ZGRF1: variants seen among roughly 807,000 people sequenced by gnomAD.
ZGRF1 encodes 5'-3' DNA helicase ZGRF1.
ZGRF1 carries 196 observed loss-of-function variants against 203.5 expected under a neutral mutation model. The ratio of observed to expected loss-of-function variants is 0.96; its 90% CI spans 0.86 to 1.08. The LOEUF (loss-of-function observed/expected upper bound fraction) is 1.08, where lower values mean the gene tolerates loss of function less well. Among genes scored for constraint, ZGRF1 ranks in the 50% least tolerant of loss-of-function variants. The pLI, the probability that ZGRF1 is intolerant of heterozygous loss-of-function variation, is 0.00. For missense variants in ZGRF1, 2,326 were observed against 2,416.3 expected (o/e 0.96, Z 0.78); for synonymous variants, 809 against 841.3 (o/e 0.96, Z 0.66).
intron 16 of ZGRF1, among the ~76,000 whole-genome samples, chr4:112,571,169 G>C (rs1375968056): frequency 6.7e-6 from 1 of 149,770 alleles, no homozygotes; most frequent in Non-Finnish European, 1.5e-5. Context: ...TTAGAGAAGA[G>C]AAAAGCCTCA....
chr4:112,554,030 A>G, intron 21 of ZGRF1, 48 bp from the exon 22 acceptor site: 1 of 1,509,510 alleles, frequency 6.6e-7, no homozygotes, highest in Non-Finnish European at 8.9e-7. Flanking sequence ...TTTTCATAAC[A>G]TCACAGTAAA....
chr4:112,543,885 G>A (rs1402078537), intron 24 of ZGRF1, among the ~76,000 whole-genome samples: 2 of 152,104 alleles, frequency 1.3e-5, no homozygotes, highest in African/African-American at 4.8e-5. Context: ...CAGGGTCAGA[G>A]CTCCGGTGCC....
chr4:112,570,249 C>G (rs1743961180), intron 16 of ZGRF1, among the ~76,000 whole-genome samples: 1 of 152,030 alleles, frequency 6.6e-6, no homozygotes, highest in Non-Finnish European at 1.5e-5. Context: ...AAAAAAAAAC[C>G]TTAATAATAT....
At chr4:112,602,467 C>G (rs1357999882) in intron 10 of ZGRF1, among the ~76,000 whole-genome samples, 1 of 152,190 alleles carries the variant, frequency 6.6e-6, no homozygotes, top group Non-Finnish European at 1.5e-5. Flanking sequence ...CTTTGGAAAT[C>G]AGTTTTGCAT....
At chr4:112,572,686 G>T (rs572625509) in intron 16 of ZGRF1, among the ~76,000 whole-genome samples, 63 of 151,930 alleles carry the variant, frequency 4.1e-4, no homozygotes, top group Non-Finnish European at 7.9e-4. Context: ...AATCTACAAG[G>T]AACTCAAACA....
chr4:112,614,894 C>T (rs1202551406), intron 6 of ZGRF1, among the ~76,000 whole-genome samples: 11 of 151,450 alleles, frequency 7.3e-5, no homozygotes, highest in African/African-American at 2.7e-4. Flanking sequence ...CTGTGATATT[C>T]CTTATGAGGA....
At chr4:112,632,053 T>C in intron 2 of ZGRF1, 43 bp from the exon 3 acceptor site, 1 of 948,048 alleles carries the variant, frequency 1.1e-6, no homozygotes, top group East Asian at 2.8e-5. Context: ...CATTTATATA[T>C]ATTTAATGTT....
chr4:112,551,298 G>C (rs990231508), intron 22 of ZGRF1, among the ~76,000 whole-genome samples: 1 of 152,070 alleles, frequency 6.6e-6, no homozygotes, highest in African/African-American at 2.4e-5. Context: ...ACACTATGAC[G>C]TTCACACAAT....
chr4:112,599,428 AG>A (rs1749569202), intron 10 of ZGRF1, among the ~76,000 whole-genome samples: 1 of 152,152 alleles, frequency 6.6e-6, no homozygotes, highest in South Asian at 2.1e-4. Flanking sequence ...AAAGATACAT[AG>A]GAAGTACATA....
chr4:112,631,931 T>C lies in ZGRF1; in HGVS notation c.101A>G (p.Lys34Arg). The change falls in exon 3 of 28, where the codon AAA becomes AGA. Residue 34 changes from lysine to arginine, a missense_variant and splice_region_variant. Physicochemically the swap from Lys to Arg is conservative, Grantham distance 26. Coordinates refer to ENST00000505019, the MANE Select transcript of ZGRF1 (RefSeq NM_018392.5). ...GILKITHLGN[K>R]AILYDDKGAC... The stretch of plus-strand genomic sequence containing the variant: ...TATAGTCAACTGCTTTGTACTCACT[T>C]TGTTTCCTAAGTGAGTGATCTTCAG... The C allele has an allele frequency of 1.3e-6, 2 of 1,579,556 alleles. No homozygotes were observed. The highest frequency in any genetic ancestry group is 1.2e-5 in the South Asian group (1 of 83,680).
At chr4:112,617,353 A>T in intron 6 of ZGRF1, 87 bp downstream of exon 6, 2 of 950,618 alleles carry the variant, frequency 2.1e-6, no homozygotes, top group Non-Finnish European at 3.1e-6. Context: ...GTAATTCTTT[A>T]ATGTATCACC....
intron 4 of ZGRF1, among the ~76,000 whole-genome samples, chr4:112,621,797 G>A (rs1185731817): frequency 1.3e-5 from 2 of 150,346 alleles, no homozygotes; most frequent in African/African-American, 2.4e-5. Context: ...GCGCAATCTC[G>A]GCTCACCGAA....
intron 1 of ZGRF1, among the ~76,000 whole-genome samples, chr4:112,633,710 CA>C: frequency 6.6e-6 from 1 of 152,188 alleles, no homozygotes; most frequent in Non-Finnish European, 1.5e-5. Flanking sequence ...AAAATCTTTC[CA>C]ACACTGTTGC....
intron 24 of ZGRF1, among the ~76,000 whole-genome samples, chr4:112,541,534 G>T (rs901365152): frequency 6.7e-4 from 90 of 135,248 alleles, no homozygotes; most frequent in African/African-American, 1.3e-3. Flanking sequence ...TTTTTGTTTT[G>T]TTTTTTTTTT....
Position 112,616,502 on chromosome 4 carries a change from G to GT in ZGRF1, c.2602+937dup, listed in dbSNP as rs1287507576. Reference sequence around the variant, plus strand: ...ATCGCACCACTGCACTCCAGCCTGGGTGACAGAGCAAGACTGTGTCTCAAA... The same window carrying GT: ...ATCGCACCACTGCACTCCAGCCTGGGTTGACAGAGCAAGACTGTGTCTCAAA... On this transcript the variant is annotated intron_variant, in intron 6 of 27. Coordinates refer to ENST00000505019, the MANE Select transcript of ZGRF1 (RefSeq NM_018392.5). Among the ~76,000 whole-genome samples the GT allele has an allele frequency of 6.2e-5, 8 of 128,046 alleles. No homozygotes were observed. In the South Asian group the frequency reaches 1.8e-3, roughly 29 times the overall value. The allele number at this position is 128,046 out of a possible 152,430, so 84.0% of individuals were successfully genotyped here. A position where few individuals can be genotyped will look rare whatever the true frequency, so the allele number is the denominator to read the frequency against.
intron 10 of ZGRF1, among the ~76,000 whole-genome samples, chr4:112,596,383 G>A (rs1043847928): frequency 1.3e-5 from 2 of 152,148 alleles, no homozygotes; most frequent in African/African-American, 4.8e-5. Context: ...GTTGCTGAAA[G>A]TAGGATACAA....
chr4:112,565,136 G>C lies in ZGRF1; in HGVS notation c.4439-1862C>G, dbSNP rs1388617717. The C allele has an allele frequency of 2.8e-6, 4 of 1,430,350 alleles. No homozygotes were observed. The African/African-American group carries it at 4.2e-5, about 15-fold the overall frequency. The allele number at this position is 1,430,350 out of a possible 1,614,324, so 88.6% of individuals were successfully genotyped here. A position where few individuals can be genotyped will look rare whatever the true frequency, so the allele number is the denominator to read the frequency against. ...TACAGGCCTGGTACTGTGGCGCTCC[G>C]TGAAATTAGATGTTATCAGAAGTCC... On this transcript the variant is annotated intron_variant, in intron 16 of 27. Transcript: ENST00000505019.
At chr4:112,593,491 C>T (rs151082041) in intron 10 of ZGRF1, among the ~76,000 whole-genome samples, 1 of 152,326 alleles carries the variant, frequency 6.6e-6, no homozygotes, top group East Asian at 1.9e-4. Flanking sequence ...TCAGTGATTT[C>T]CCAGTGGCAC....
intron 22 of ZGRF1, 48 bp from the exon 23 acceptor site, chr4:112,548,428 T>C: frequency 1.4e-6 from 2 of 1,443,196 alleles, no homozygotes; most frequent in East Asian, 5.0e-5. Flanking sequence ...TAAAAGAAAA[T>C]AAGAGAACGT....
Sources: gnomAD v4.1 joint callset for allele counts (sites outside exome capture counted in the v4.1 genomes callset) on GRCh38, gnomAD v4.1.1 for gene constraint, MANE v1.5 for transcripts, NCBI Gene and HGNC (gene_info 2026-07-23, HGNC 2026-07-21) for gene names.